Variants in BANK1 observed in about 807,000 individuals in gnomAD.
BANK1 encodes B-cell scaffold protein with ankyrin repeats.
In BANK1, 95 loss-of-function variants were observed where a neutral mutation model predicts 94.5. The ratio of observed to expected loss-of-function variants is 1.00; its 90% CI spans 0.85 to 1.19. The LOEUF is 1.19. BANK1 is among the 50% of genes most tolerant of loss of function. The probability of loss-of-function intolerance (pLI) is 0.00; values close to 1 mark genes in which losing one functional copy is unlikely to be tolerated. For synonymous variants in BANK1, 334 were observed against 308.4 expected (o/e 1.08, Z -0.87); for missense variants, 987 against 932.2 (o/e 1.06, Z -0.77).
intron 7 of BANK1, among the ~76,000 whole-genome samples, chr4:101,923,271 T>A (rs1723056350): frequency 6.6e-6 from 1 of 151,848 alleles, no homozygotes; most frequent in Non-Finnish European, 1.5e-5. Context: ...CTCATTATAC[T>A]GACTCTTCCC....
chr4:101,921,630 A>G (rs923576495), intron 7 of BANK1, among the ~76,000 whole-genome samples: 3 of 152,070 alleles, frequency 2.0e-5, no homozygotes, highest in Middle Eastern at 3.4e-3. Flanking sequence ...GATTACATCA[A>G]TGTGTAAATA....
intron 7 of BANK1, among the ~76,000 whole-genome samples, chr4:101,921,033 T>C (rs1023553262): frequency 6.6e-6 from 1 of 151,816 alleles, no homozygotes; most frequent in Admixed American, 6.6e-5. Flanking sequence ...TTACATTGCT[T>C]CATGACATTT....
At chr4:101,973,455 T>C (rs910605423) in intron 7 of BANK1, among the ~76,000 whole-genome samples, 36 of 152,218 alleles carry the variant, frequency 2.4e-4, no homozygotes, top group African/African-American at 8.4e-4. Flanking sequence ...AGTTGAAATG[T>C]AAACATGACT....
At chr4:102,012,390 G>A (rs571447416) in intron 7 of BANK1, among the ~76,000 whole-genome samples, 2 of 29,348 alleles carry the variant, frequency 6.8e-5, no homozygotes, top group Non-Finnish European at 1.3e-4. Flanking sequence ...AAACACTTTG[G>A]TCAATAAAAA....
At position 101,829,928 on chromosome 4, in the gene BANK1, A is replaced by G. The variant is rs754982560; in HGVS notation, c.191A>G (p.Asn64Ser). The change falls in exon 2 of 17, where the codon AAT becomes AGT. Residue 64 changes from asparagine (N) to serine (S), a missense_variant. Physicochemically the swap from Asn to Ser is conservative, Grantham distance 46 (BLOSUM62 1). Coordinates refer to ENST00000322953, the MANE Select transcript of BANK1 (RefSeq NM_017935.5). Reference protein sequence around the residue: ...REAILLYRLENFSFRHLELLN... With the variant: ...REAILLYRLESFSFRHLELLN... Reference sequence around the variant, plus strand: ...GCCATCCTGTTATATCGCTTGGAGAATTTCTCTTTTCGGCATTTGGAGTTG... The same window carrying G: ...GCCATCCTGTTATATCGCTTGGAGAGTTTCTCTTTTCGGCATTTGGAGTTG... 3.1e-6 allele frequency: 5 copies of G among 1,613,980 alleles called. No individual in the cohort carries two copies. The highest frequency in any genetic ancestry group is 4.2e-6 in the Non-Finnish European group (5 of 1,179,938).
rs1435229048 is a variant in BANK1, at chr4:101,986,891, GTGTGTGTGTA to G, written c.1207-34621_1207-34612del. The stretch of plus-strand genomic sequence containing the variant: ...TGTGTGTATGTGTGTGTGTGTGTGT[GTGTGTGTGTA>G]TATATATATATATATATATATATAT... On this transcript the variant is annotated intron_variant, in intron 7 of 16. Transcript: ENST00000322953. 5.0e-4 allele frequency among the ~76,000 whole-genome samples: 47 copies of G among 94,656 alleles called. 1 individual carries two copies. The highest frequency in any genetic ancestry group is 4.8e-3 in the Middle Eastern group (1 of 208). 62.1% of individuals were successfully genotyped at this position (94,656 alleles called of 152,430 possible). A position where few individuals can be genotyped will look rare whatever the true frequency, so the allele number is the denominator to read the frequency against.
At chr4:101,834,816 T>TA in intron 2 of BANK1, among the ~76,000 whole-genome samples, 1 of 152,266 alleles carries the variant, frequency 6.6e-6, no homozygotes, top group East Asian at 1.9e-4. Flanking sequence ...TGGAAATAAT[T>TA]AAATGTTCTA....
intron 2 of BANK1, among the ~76,000 whole-genome samples, chr4:101,842,623 C>T (rs1727094853): frequency 6.6e-6 from 1 of 152,180 alleles, no homozygotes; most frequent in African/African-American, 2.4e-5. Context: ...TTGCAGAGAA[C>T]TAGATCATTT....
intron 7 of BANK1, among the ~76,000 whole-genome samples, chr4:101,984,118 A>T (rs2148928678): frequency 6.6e-6 from 1 of 152,172 alleles, no homozygotes; most frequent in Non-Finnish European, 1.5e-5. Flanking sequence ...AAGAAACTAA[A>T]CATTTATTAG....
Position 101,862,626 on chromosome 4 carries a change from C to A in BANK1, c.725C>A (p.Ala242Asp), listed in dbSNP as rs1387738195. The A allele has an allele frequency of 6.2e-7, 1 of 1,608,798 alleles. No individual in the cohort carries two copies. Among genetic ancestry groups the A allele is most frequent in the Non-Finnish European group, 8.5e-7 (1 of 1,177,576 alleles). ...SSNKRIRTRP[A>D]LWNKKVWCMK... ...AATAAGCGCATTAGAACACGGCCAG[C>A]CCTTTGGAATAAGAAAGTCTGGTGC... Residue 242 changes from alanine (A) to aspartate (D), a missense_variant, in exon 4 of 17, where the codon GCC becomes GAC. By Grantham distance (126) the Ala-to-Asp change is moderately radical (BLOSUM62 -2). Coordinates refer to ENST00000322953, the MANE Select transcript of BANK1 (RefSeq NM_017935.5).
At chr4:102,029,823 T>G in intron 9 of BANK1, 137 bp from the exon 10 acceptor site, 2 of 692,570 alleles carry the variant, frequency 2.9e-6, no homozygotes, top group Non-Finnish European at 4.8e-6. Context: ...TCTCCTGGAG[T>G]CACGAGCTCT....
intron 2 of BANK1, among the ~76,000 whole-genome samples, chr4:101,839,986 T>TTTTTTTA (rs1726978991): frequency 9.6e-6 from 1 of 103,988 alleles, no homozygotes; most frequent in Non-Finnish European, 1.9e-5. Flanking sequence ...TTTTTTTTTT[T>TTTTTTTA]GAGACAGAGT....
In BANK1 at chr4:101,847,256, A is replaced by G. The variant is rs536262428; in HGVS notation, c.470-7779A>G. Among the ~76,000 whole-genome samples the G allele has an allele frequency of 2.4e-4, 36 of 151,984 alleles. 1 individual carries two copies. In the South Asian group the frequency reaches 5.0e-3, roughly 21 times the overall value. On this transcript the variant is annotated intron_variant, in intron 2 of 16. Transcript: ENST00000322953. Reference sequence around the variant, plus strand: ...GTGTGTATGTATATAGTGAGTTAATATATGCAAGGCACTAAGAATAGTACT... The same window carrying G: ...GTGTGTATGTATATAGTGAGTTAATGTATGCAAGGCACTAAGAATAGTACT...
intron 5 of BANK1, among the ~76,000 whole-genome samples, chr4:101,890,713 T>C: frequency 6.7e-6 from 1 of 150,000 alleles, no homozygotes; most frequent in Admixed American, 6.6e-5. Context: ...TCTGTTTTCA[T>C]TTGTTATTTT....
chr4:101,924,056 T>C (rs930243681), intron 7 of BANK1, among the ~76,000 whole-genome samples: 1 of 151,828 alleles, frequency 6.6e-6, no homozygotes, highest in Non-Finnish European at 1.5e-5. Context: ...TTACACGCTT[T>C]GCACAGGTTG....
chr4:101,974,378 T>C (rs1033058810), intron 7 of BANK1, among the ~76,000 whole-genome samples: 14 of 152,292 alleles, frequency 9.2e-5, no homozygotes, highest in African/African-American at 3.4e-4. Flanking sequence ...TCTGCCACAT[T>C]GGATAAAAAG....
rs1342796402 is a variant in BANK1 at position 102,036,067 on chromosome 4, C to T, written c.1900+5802C>T. Among the ~76,000 whole-genome samples the T allele has an allele frequency of 2.0e-5, 3 of 152,200 alleles. No homozygotes were observed. The South Asian group carries it at 6.2e-4, about 32-fold the overall frequency. Reference sequence around the variant, plus strand: ...TTTTTCAGCATCAATGGGCAATTTTCTATTTTCCTCACACACAATTAATAG... The same window carrying T: ...TTTTTCAGCATCAATGGGCAATTTTTTATTTTCCTCACACACAATTAATAG... On this transcript the variant is annotated intron_variant, in intron 10 of 16. Coordinates refer to ENST00000322953, the MANE Select transcript of BANK1 (RefSeq NM_017935.5).
chr4:102,073,640 G>T (rs772148657), intron 15 of BANK1, 44 bp from the exon 16 acceptor site: 9 of 1,553,442 alleles, frequency 5.8e-6, no homozygotes, highest in Non-Finnish European at 7.9e-6. Context: ...TTAAAATAGG[G>T]ACAAATCGAG....
chr4:102,064,151 C>G (rs1410417095), intron 13 of BANK1, among the ~76,000 whole-genome samples: 1 of 152,188 alleles, frequency 6.6e-6, no homozygotes, highest in African/African-American at 2.4e-5. Flanking sequence ...AAGCTTCCAT[C>G]TCTTCCATTT....
Sources: allele counts gnomAD v4.1 joint callset (sites outside exome capture counted in the v4.1 genomes callset), GRCh38; gene constraint gnomAD v4.1.1; transcripts MANE v1.5; gene names NCBI Gene and HGNC (gene_info 2026-07-23, HGNC 2026-07-21).